UXS1: variants seen among roughly 807,000 people sequenced by gnomAD.
UXS1 encodes UDP-glucuronate decarboxylase 1.
A neutral mutation model predicts 62.6 loss-of-function variants in UXS1; 33 were observed. The ratio of observed to expected loss-of-function variants is 0.53; its 90% CI spans 0.40 to 0.70. The LOEUF (loss-of-function observed/expected upper bound fraction) is 0.70, where lower values mean the gene tolerates loss of function less well. Among genes scored for constraint, UXS1 ranks in the 30% least tolerant of loss-of-function variants. The probability of loss-of-function intolerance (pLI) is 0.00; values close to 1 mark genes in which losing one functional copy is unlikely to be tolerated. For missense variants in UXS1, 434 were observed against 556.3 expected (o/e 0.78, Z 2.21); for synonymous variants, 213 against 206.8 (o/e 1.03, Z -0.26).
At chr2:106,131,186 C>T (rs1445419296) in intron 6 of UXS1, among the ~76,000 whole-genome samples, 1 of 150,452 alleles carries the variant, frequency 6.6e-6, no homozygotes, top group Non-Finnish European at 1.5e-5. Context: ...CCGAATATTG[C>T]GCTTTTCAGA....
intron 13 of UXS1, chr2:106,097,117 G>A: frequency 1.9e-6 from 1 of 526,170 alleles, no homozygotes; most frequent in Non-Finnish European, 3.7e-6. Flanking sequence ...CTACAAGAGG[G>A]TTGCTCCAAG....
intron 9 of UXS1, among the ~76,000 whole-genome samples, chr2:106,119,669 C>T (rs1468801319): frequency 6.6e-6 from 1 of 152,188 alleles, no homozygotes; most frequent in Non-Finnish European, 1.5e-5. Context: ...ATAACAATCA[C>T]TTTGGAGTTG....
chr2:106,109,910 G>A (rs554204967), intron 10 of UXS1, among the ~76,000 whole-genome samples: 26 of 152,284 alleles, frequency 1.7e-4, no homozygotes, highest in African/African-American at 5.1e-4. Context: ...GAAGTGACTT[G>A]TCGGAAATGT....
chr2:106,126,678 T>C (rs573606917), intron 7 of UXS1, among the ~76,000 whole-genome samples: 2 of 152,278 alleles, frequency 1.3e-5, no homozygotes, highest in Non-Finnish European at 1.5e-5. Flanking sequence ...TTTGAGATAT[T>C]TGTACATTCA....
At chr2:106,182,013 T>C (rs1684276031) in intron 1 of UXS1, among the ~76,000 whole-genome samples, 1 of 152,260 alleles carries the variant, frequency 6.6e-6, no homozygotes, top group Non-Finnish European at 1.5e-5. Flanking sequence ...TATTGCTTAC[T>C]GTTAAGAAGT....
In UXS1 at chr2:106,100,949, G is replaced by A. The variant is rs368656416; in HGVS notation, c.984+109C>T. ...TATTTAGCAAGCAACAAACACAAAT[G>A]TCCTAAGTGTGCCGATGGCAAATGA... On this transcript the variant is annotated intron_variant, in intron 12 of 14. Transcript: ENST00000283148. The A allele has an allele frequency of 1.0e-5, 14 of 1,337,792 alleles. No individual in the cohort carries two copies. The South Asian group carries it at 1.1e-4, about 10-fold the overall frequency. 82.9% of individuals were successfully genotyped at this position (1,337,792 alleles called of 1,614,324 possible).
intron 1 of UXS1, among the ~76,000 whole-genome samples, chr2:106,180,070 C>T (rs1684143944): frequency 6.6e-6 from 1 of 152,246 alleles, no homozygotes; most frequent in Non-Finnish European, 1.5e-5. Flanking sequence ...GATCACACCA[C>T]TGCACTCCAG....
intron 12 of UXS1, among the ~76,000 whole-genome samples, chr2:106,100,470 T>C (rs984605261): frequency 1.3e-5 from 2 of 152,086 alleles, no homozygotes; most frequent in African/African-American, 4.8e-5. Context: ...TCTGGTCCAA[T>C]ATGAGGAAGA....
intron 9 of UXS1, among the ~76,000 whole-genome samples, chr2:106,115,014 C>T (rs554618639): frequency 2.0e-5 from 3 of 152,262 alleles, no homozygotes; most frequent in Non-Finnish European, 4.4e-5. Context: ...CACACAAAGG[C>T]GACCCCCAGT....
chr2:106,094,770 G>A (rs544961617), intron 14 of UXS1, among the ~76,000 whole-genome samples: 5 of 152,214 alleles, frequency 3.3e-5, no homozygotes, highest in African/African-American at 9.7e-5. Flanking sequence ...CAGATCAACT[G>A]CTGATTAACA....
At chr2:106,167,711 T>TA (rs879477380) in intron 1 of UXS1, among the ~76,000 whole-genome samples, 22 of 152,060 alleles carry the variant, frequency 1.4e-4, no homozygotes, top group Admixed American at 2.6e-4. Flanking sequence ...CATTATTCAT[T>TA]AAAAAAAATA....
chr2:106,159,586 TAA>T (rs767475289), intron 4 of UXS1, among the ~76,000 whole-genome samples: 4 of 152,224 alleles, frequency 2.6e-5, no homozygotes, highest in Non-Finnish European at 5.9e-5. Context: ...ATATTCATTT[TAA>T]AAGTTATTCA....
chr2:106,115,729 T>G (rs949610272), intron 9 of UXS1, among the ~76,000 whole-genome samples: 2 of 152,212 alleles, frequency 1.3e-5, no homozygotes, highest in African/African-American at 4.8e-5. Flanking sequence ...ATCTTTGAGA[T>G]GAGGACAATA....
rs77875517 is a variant in UXS1 at position 106,124,970 on chromosome 2, T to C, written c.637+650A>G. Among the ~76,000 whole-genome samples the C allele has an allele frequency of 3.9e-3, 598 of 152,348 alleles. 5 individuals carry two copies. Among genetic ancestry groups the C allele is most frequent in the African/African-American group, 0.014 (577 of 41,564 alleles). ...TCATACTAAAACCTGGCTTCCGCTG[T>C]ATCAGCTAAGCAGTTCTCCTGAACC... On this transcript the variant is annotated intron_variant, in intron 8 of 14. Coordinates refer to ENST00000283148, the MANE Select transcript of UXS1 (RefSeq NM_001253875.2).
At chr2:106,122,840 G>A (rs1679628035) in intron 9 of UXS1, 130 bp downstream of exon 9, 1 of 1,230,180 alleles carries the variant, frequency 8.1e-7, no homozygotes, top group Admixed American at 2.6e-5. Flanking sequence ...ATAATACTGG[G>A]AAACTGAGCT....
chr2:106,158,795 C>T (rs143161824), intron 4 of UXS1, among the ~76,000 whole-genome samples: 117 of 152,290 alleles, frequency 7.7e-4, no homozygotes, highest in Admixed American at 2.4e-3. Flanking sequence ...AAACAGAGGT[C>T]GCAAGATTTG....
chr2:106,138,524 C>T, intron 6 of UXS1: 1 of 985,440 alleles, frequency 1.0e-6, no homozygotes, highest in South Asian at 4.7e-5. Context: ...GGAAACCTTC[C>T]ATTTACAACA....
Position 106,103,317 on chromosome 2 carries a change from A to T in UXS1, c.923+1477T>A, listed in dbSNP as rs184600521. On this transcript the variant is annotated intron_variant, in intron 11 of 14. Transcript: ENST00000283148. ...CTGACTGGTTTCCTTTTACCGCACA[A>T]CATCTCATTGATATTCCATGTGGTG... Among the ~76,000 whole-genome samples the T allele has an allele frequency of 9.3e-3, 1,409 of 152,316 alleles. 25 individuals are homozygous for T. Among genetic ancestry groups the T allele is most frequent in the African/African-American group, 0.032 (1,327 of 41,556 alleles).
chr2:106,127,008 G>A (rs1680013774), intron 7 of UXS1, among the ~76,000 whole-genome samples: 1 of 152,120 alleles, frequency 6.6e-6, no homozygotes, highest in South Asian at 2.1e-4. Flanking sequence ...CGGCCTCTTA[G>A]GACTGAATTT....
Sources: allele counts gnomAD v4.1 joint callset (sites outside exome capture counted in the v4.1 genomes callset), GRCh38; gene constraint gnomAD v4.1.1; transcripts MANE v1.5; gene names NCBI Gene and HGNC (gene_info 2026-07-23, HGNC 2026-07-21).